Variants in DCAF4 observed in about 807,000 individuals in gnomAD.
DCAF4 encodes DDB1 and CUL4 associated factor 4.
In DCAF4, 37 loss-of-function variants were observed where a neutral mutation model predicts 60.9. The observed-to-expected ratio is 0.61, with a 90% CI of 0.47 to 0.80. The LOEUF is 0.80. Ranked by LOEUF, DCAF4 falls within the 30% of genes least tolerant of loss-of-function variation. DCAF4 has a pLI of 0.00. For missense variants in DCAF4, 577 were observed against 650.0 expected, an observed-to-expected ratio of 0.89 and a Z score of 1.22; for synonymous variants, 243 against 254.8, an observed-to-expected ratio of 0.95 and a Z score of 0.44.
At chr14:72,945,186 A>T (rs558147436) in intron 6 of DCAF4, among the ~76,000 whole-genome samples, 3 of 152,122 alleles carry the variant, frequency 2.0e-5, no homozygotes, top group Non-Finnish European at 2.9e-5. Flanking sequence ...TGAGGCCAGA[A>T]GTTCAAGACC....
Position 72,945,912 on chromosome 14 carries a change from C to T in DCAF4, c.563C>T (p.Thr188Ile). The T allele has an allele frequency of 6.2e-7, 1 of 1,614,218 alleles. No homozygotes were observed. Among genetic ancestry groups the T allele is most frequent in the Non-Finnish European group, 8.5e-7 (1 of 1,180,046 alleles). The change falls in exon 7 of 14, where the codon ACA becomes ATA. Residue 188 changes from threonine to isoleucine, a missense_variant. Physicochemically the swap from Thr to Ile is moderately conservative, Grantham distance 89. Coordinates refer to ENST00000358377, the MANE Select transcript of DCAF4 (RefSeq NM_015604.4). ...GATACCAACAGTGACCGGCTCTTCA[C>T]AGTGAACGATGTTAAAGTTGGAGGC... ...LADTNSDRLF[T>I]VNDVKVGGSK...
At chr14:72,940,488 C>A in intron 4 of DCAF4, 111 bp downstream of exon 4, 1 of 1,140,886 alleles carries the variant, frequency 8.8e-7, no homozygotes, top group Admixed American at 3.4e-5. Context: ...AGCAGAGGCA[C>A]TTCAGGGGGT....
At position 72,954,588 on chromosome 14, in the gene DCAF4, G is replaced by C; in HGVS notation, c.1005+105G>C. 2.9e-6 allele frequency: 3 copies of C among 1,027,662 alleles called. No homozygotes were observed. The South Asian group carries it at 4.4e-5, about 15-fold the overall frequency. The allele number at this position is 1,027,662 out of a possible 1,614,324, so 63.7% of individuals were successfully genotyped here. ...TGTGCCATCTAGTACTCTTTGACAG[G>C]GGAGAAAGAGCATCAGAAAGGATCA... On this transcript the variant is annotated intron_variant, in intron 11 of 13. Transcript: ENST00000358377.
intron 1 of DCAF4, among the ~76,000 whole-genome samples, chr14:72,931,514 C>T (rs1216616612): frequency 6.6e-6 from 1 of 151,992 alleles, no homozygotes; most frequent in Non-Finnish European, 1.5e-5. Context: ...TGTTTGGTTG[C>T]CTTTTCTTTG....
intron 8 of DCAF4, among the ~76,000 whole-genome samples, chr14:72,949,476 T>C (rs1402150096): frequency 1.3e-5 from 2 of 151,428 alleles, no homozygotes; most frequent in East Asian, 3.9e-4. Flanking sequence ...GAAAAGTGAC[T>C]GGGCACAGTG....
chr14:72,954,228 C>T lies in DCAF4; in HGVS notation c.873C>T (p.Ser291=). The change falls in exon 10 of 14, where the codon TCC becomes TCT. Residue 291 remains serine, a synonymous_variant. Coordinates refer to ENST00000358377, the MANE Select transcript of DCAF4 (RefSeq NM_015604.4). ...CTGGTGCCTGGTCCTGTGCCTGGTCCCTGAATATCCAAGCAAATAACTGCT... is the reference window on the plus strand; with the variant it reads ...CTGGTGCCTGGTCCTGTGCCTGGTCTCTGAATATCCAAGCAAATAACTGCT... ...RIPGAWSCAW[S]LNIQANNCFS... 2 of 1,614,166 alleles carry T rather than the reference C, an allele frequency of 1.2e-6. No individual in the cohort carries two copies. Among genetic ancestry groups the T allele is most frequent in the African/African-American group, 2.7e-5 (2 of 75,040 alleles).
intron 1 of DCAF4, among the ~76,000 whole-genome samples, chr14:72,932,539 A>C (rs1888706690): frequency 6.6e-6 from 1 of 152,348 alleles, no homozygotes; most frequent in East Asian, 1.9e-4. Context: ...TAGAAATTAT[A>C]ATTCTTAATG....
intron 9 of DCAF4, among the ~76,000 whole-genome samples, chr14:72,953,782 T>TTGTGTGTGTG (rs149574612): frequency 1.2e-4 from 5 of 41,092 alleles, no homozygotes; most frequent in African/African-American, 3.8e-4. Flanking sequence ...ATTTATTTAT[T>TTGTGTGTGTG]TGTGTGTGTG....
At chr14:72,929,239 A>T (rs1888169718) in intron 1 of DCAF4, among the ~76,000 whole-genome samples, 1 of 152,184 alleles carries the variant, frequency 6.6e-6, no homozygotes, top group Non-Finnish European at 1.5e-5. Flanking sequence ...CCCAAACCAG[A>T]CACCATTTTG....
intron 1 of DCAF4, chr14:72,929,932 G>A: frequency 1.9e-6 from 2 of 1,069,074 alleles, no homozygotes; most frequent in South Asian, 2.7e-5. Flanking sequence ...CAGAGCCATG[G>A]CTGCTGCTCT....
At chr14:72,959,986 C>G (rs917539366), downstream of DCAF4, among the ~76,000 whole-genome samples, 3 of 152,126 alleles carry the variant, frequency 2.0e-5, no homozygotes, top group Non-Finnish European at 2.9e-5. Context: ...GGAAAGCGCT[C>G]AGAGAGAGCC....
rs531199836 is a variant in DCAF4, at chr14:72,956,462, C to G, written c.1256C>G (p.Pro419Arg). The change falls in exon 13 of 14, where the codon CCC becomes CGC. Residue 419 changes from proline (P) to arginine (R), a missense_variant. By Grantham distance (103) the Pro-to-Arg change is moderately radical. Coordinates refer to ENST00000358377, the MANE Select transcript of DCAF4 (RefSeq NM_015604.4). ...EGHVNEYAYL[P>R]LHVHEEEGIL... Reference sequence around the variant, plus strand: ...CACGTGAATGAGTACGCCTACCTGCCCCTGCATGTGCACGAGGAAGAAGGA... The same window carrying G: ...CACGTGAATGAGTACGCCTACCTGCGCCTGCATGTGCACGAGGAAGAAGGA... 1 of 1,613,534 alleles carries G rather than the reference C, an allele frequency of 6.2e-7. No homozygotes were observed. Among genetic ancestry groups the G allele is most frequent in the South Asian group, 1.1e-5 (1 of 90,924 alleles).
chr14:72,955,514 T>C lies in DCAF4; in HGVS notation c.1006-9T>C. On this transcript the variant is annotated splice_polypyrimidine_tract_variant and intron_variant, in intron 11 of 13. Coordinates refer to ENST00000358377, the MANE Select transcript of DCAF4 (RefSeq NM_015604.4). ...ATAGCCAGGCACTGAGCAGTCCCTC[T>C]TTCCACAGGCTCCTCTGCTGTTTAA... The C allele has an allele frequency of 6.2e-7, 1 of 1,612,690 alleles. No homozygotes were observed.
Position 72,956,112 on chromosome 14 carries a change from G to A in DCAF4, c.1180-274G>A, listed in dbSNP as rs536017226. Among the ~76,000 whole-genome samples the A allele has an allele frequency of 1.6e-3, 243 of 151,842 alleles. 2 individuals are homozygous for A. Among genetic ancestry groups the A allele is most frequent in the African/African-American group, 5.6e-3 (234 of 41,418 alleles). On this transcript the variant is annotated intron_variant, in intron 12 of 13. Transcript: ENST00000358377. ...TAATTTTTGTATTTTTAGTAGAGAT[G>A]GGGTTTCACCATGTTGGTCAGGCTG...
intron 10 of DCAF4, 33 bp downstream of exon 10, chr14:72,954,295 G>A (rs1891971385): frequency 6.2e-7 from 1 of 1,613,086 alleles, no homozygotes; most frequent in Non-Finnish European, 8.5e-7. Context: ...CCAGAGAAGA[G>A]GCCTTAACAG....
chr14:72,944,816 T>C (rs2806045), intron 6 of DCAF4, among the ~76,000 whole-genome samples: 98,357 of 151,836 alleles, frequency 0.65, 32,711 homozygotes, highest in East Asian at 0.82. Context: ...GGGCCAGGTG[T>C]GGTGGCTCAC....
chr14:72,945,531 C>T (rs4395014), intron 6 of DCAF4, among the ~76,000 whole-genome samples: 29,530 of 151,340 alleles, frequency 0.2, 3,645 homozygotes, highest in East Asian at 0.43. Context: ...CCTATTGCGC[C>T]ACAGCCTTCG....
At chr14:72,931,985 CTTCTT>C (rs1380460589) in intron 1 of DCAF4, among the ~76,000 whole-genome samples, 1 of 139,210 alleles carries the variant, frequency 7.2e-6, no homozygotes, top group African/African-American at 2.6e-5. Context: ...TATATTTTTC[CTTCTT>C]TTTTTTTTTT....
At chr14:72,939,971 T>C in intron 3 of DCAF4, 69 bp downstream of exon 3, 1 of 1,424,574 alleles carries the variant, frequency 7.0e-7, no homozygotes. Context: ...GTTCCTGGCT[T>C]GGAAGGAATT....
Sources: gnomAD v4.1 joint callset for allele counts (sites outside exome capture counted in the v4.1 genomes callset) on GRCh38, gnomAD v4.1.1 for gene constraint, MANE v1.5 for transcripts, NCBI Gene and HGNC (gene_info 2026-07-23, HGNC 2026-07-21) for gene names.